The following DNAAF11 variants were observed in gnomAD, a reference collection of about 807,000 sequenced individuals.
DNAAF11 encodes the protein dynein axonemal assembly factor 11.
In DNAAF11, 45 loss-of-function variants were observed where a neutral mutation model predicts 60.8. That is an observed-to-expected ratio of 0.74 (90% CI 0.58 to 0.95). The LOEUF is 0.95. DNAAF11 is among the 40% of genes least tolerant of loss of function. The pLI is 0.00. For synonymous variants in DNAAF11, 191 were observed against 183.5 expected (o/e 1.04, Z -0.33); for missense variants, 546 against 546.2 (o/e 1.00, Z 0.00).
intron 10 of DNAAF11, among the ~76,000 whole-genome samples, chr8:132,596,263 A>G (rs761812123): frequency 6.6e-6 from 1 of 152,178 alleles, no homozygotes; most frequent in Non-Finnish European, 1.5e-5. Context: ...ATTTTTAAAG[A>G]TGTAGTTACT....
At chr8:132,595,225 G>T (rs142961929) in intron 10 of DNAAF11, among the ~76,000 whole-genome samples, 1 of 151,932 alleles carries the variant, frequency 6.6e-6, no homozygotes, top group Non-Finnish European at 1.5e-5. Context: ...AAGTCCTGCC[G>T]GTGGGAACAA....
At chr8:132,590,359 A>G (rs1387724850) in intron 10 of DNAAF11, among the ~76,000 whole-genome samples, 1 of 152,198 alleles carries the variant, frequency 6.6e-6, no homozygotes, top group Non-Finnish European at 1.5e-5. Flanking sequence ...TGACCTTTCC[A>G]GGTGACCTTG....
At chr8:132,690,272 T>C in the DNAAF11 span, among the ~76,000 whole-genome samples, 1 of 152,102 alleles carries the variant, frequency 6.6e-6, no homozygotes, top group African/African-American at 2.4e-5. Context: ...GGGAGTTGAT[T>C]GGATCATGGG....
the DNAAF11 span, among the ~76,000 whole-genome samples, chr8:132,698,542 G>T: frequency 6.6e-6 from 1 of 152,148 alleles, no homozygotes; most frequent in Non-Finnish European, 1.5e-5. Flanking sequence ...TATAAAGAGG[G>T]CATCTTGAAT....
intron 10 of DNAAF11, among the ~76,000 whole-genome samples, chr8:132,598,785 G>T (rs926994433): frequency 6.6e-6 from 1 of 152,226 alleles, no homozygotes; most frequent in East Asian, 1.9e-4. Flanking sequence ...GTGTGTAGAG[G>T]GAAATTTATA....
intron 4 of DNAAF11, among the ~76,000 whole-genome samples, chr8:132,636,779 C>A (rs746170806): frequency 2.6e-5 from 4 of 152,146 alleles, no homozygotes; most frequent in Non-Finnish European, 5.9e-5. Flanking sequence ...ATGTATGAGA[C>A]AATTTATCAT....
chr8:132,573,313 G>A (rs1170811774), intron 11 of DNAAF11, among the ~76,000 whole-genome samples: 1 of 152,116 alleles, frequency 6.6e-6, no homozygotes, highest in African/African-American at 2.4e-5. Flanking sequence ...GAACAGATAC[G>A]TGTTAAATAT....
chr8:132,622,503 G>A (rs1336311375), intron 7 of DNAAF11, 108 bp downstream of exon 7: 2 of 748,152 alleles, frequency 2.7e-6, no homozygotes, highest in Non-Finnish European at 2.3e-6. Context: ...CTTGTTAAGA[G>A]CAGTCAGAAA....
chr8:132,681,157 T>C, the DNAAF11 span, among the ~76,000 whole-genome samples: 4,257 of 151,286 alleles, frequency 0.028, 235 homozygotes, highest in African/African-American at 0.098. Flanking sequence ...ATTAAAGGCA[T>C]GCACGACCAC....
chr8:132,610,300 G>A (rs1818531892), intron 9 of DNAAF11, 39 bp from the exon 10 acceptor site: 1 of 1,358,140 alleles, frequency 7.4e-7, no homozygotes, highest in East Asian at 2.3e-5. Flanking sequence ...TGAGAGCAAG[G>A]ACGTTACATG....
At chr8:132,587,822 A>G (rs578180275) in intron 10 of DNAAF11, among the ~76,000 whole-genome samples, 12 of 152,322 alleles carry the variant, frequency 7.9e-5, no homozygotes, top group Admixed American at 5.2e-4. Context: ...GAGCCATGCA[A>G]TTGAAAGTTG....
chr8:132,635,172 T>C (rs934053413), intron 4 of DNAAF11, among the ~76,000 whole-genome samples: 3 of 152,188 alleles, frequency 2.0e-5, no homozygotes, highest in Non-Finnish European at 2.9e-5. Context: ...TTGGCCCACA[T>C]TTCCTTCAAT....
At chr8:132,659,725 T>G (rs1053526050) in intron 2 of DNAAF11, among the ~76,000 whole-genome samples, 1 of 152,174 alleles carries the variant, frequency 6.6e-6, no homozygotes, top group Admixed American at 6.5e-5. Flanking sequence ...TTTGCAAGCC[T>G]GAGGCTAATT....
At chr8:132,610,837 A>C (rs924305786) in intron 9 of DNAAF11, among the ~76,000 whole-genome samples, 1 of 152,154 alleles carries the variant, frequency 6.6e-6, no homozygotes, top group Non-Finnish European at 1.5e-5. Flanking sequence ...ATGTGCTAAA[A>C]AATAGCACTC....
At chr8:132,621,782 GA>G (rs895081425) in intron 7 of DNAAF11, among the ~76,000 whole-genome samples, 1 of 152,122 alleles carries the variant, frequency 6.6e-6, no homozygotes, top group African/African-American at 2.4e-5. Flanking sequence ...GAGCAACTCA[GA>G]AACACCACCT....
chr8:132,613,830 G>T (rs2130050090), intron 8 of DNAAF11, among the ~76,000 whole-genome samples: 1 of 152,200 alleles, frequency 6.6e-6, no homozygotes, highest in Middle Eastern at 3.4e-3. Flanking sequence ...CAACCTCCCA[G>T]GGTTACTGAG....
chr8:132,658,004 G>A (rs1320306678), intron 2 of DNAAF11, among the ~76,000 whole-genome samples: 1 of 152,160 alleles, frequency 6.6e-6, no homozygotes, highest in Non-Finnish European at 1.5e-5. Context: ...TGCACTGGGG[G>A]CAGCCTCATT....
At position 132,675,535 on chromosome 8, in the gene DNAAF11, C is replaced by T. The variant is rs1315655289; in HGVS notation, c.-42G>A. On this transcript the variant is annotated 5_prime_UTR_variant, in exon 1 of 12. Coordinates refer to ENST00000620350, the MANE Select transcript of DNAAF11 (RefSeq NM_012472.6). ...GCTGACCCCGCAAGCCGGACCCGGA[C>T]CTCGAATGACGCTTTTCACCCTTCA... The T allele has an allele frequency of 6.4e-7, 1 of 1,553,176 alleles. No individual in the cohort carries two copies. Among genetic ancestry groups the T allele is most frequent in the Non-Finnish European group, 8.7e-7 (1 of 1,144,822 alleles).
In DNAAF11 at chr8:132,632,796, G is replaced by A; in HGVS notation, c.597C>T (p.Asp199=). 6.2e-7 allele frequency: 1 copy of A among 1,613,908 alleles called. No individual in the cohort carries two copies. Among genetic ancestry groups the A allele is most frequent in the South Asian group, 1.1e-5 (1 of 91,066 alleles). ...CATCAAAGCCTGCGTTACTTCTCTT[G>A]TCTTCATTTTTATCCTCTTCTTGGT... The part of the protein sequence containing the change: ...RKHQEEDKNE[D]KRSNAGFDGR... The change falls in exon 5 of 12, where the codon GAC becomes GAT. Residue 199 remains aspartate (D), a synonymous_variant. Coordinates refer to ENST00000620350, the MANE Select transcript of DNAAF11 (RefSeq NM_012472.6).
Sources: allele counts gnomAD v4.1 joint callset (sites outside exome capture counted in the v4.1 genomes callset), GRCh38; gene constraint gnomAD v4.1.1; transcripts MANE v1.5; gene names NCBI Gene and HGNC (gene_info 2026-07-23, HGNC 2026-07-21).